SYN3: variants seen among roughly 807,000 people sequenced by gnomAD.
SYN3 encodes synapsin-3.
A neutral mutation model predicts 65.8 loss-of-function variants in SYN3; 35 were observed. The observed-to-expected ratio is 0.53, with a 90% confidence interval of 0.41 to 0.70. The LOEUF is 0.70. Ranked by LOEUF, SYN3 falls within the 30% of genes least tolerant of loss-of-function variation. The pLI, the probability that SYN3 is intolerant of heterozygous loss-of-function variation, is 0.00. For missense variants in SYN3, 680 were observed against 749.0 expected, an observed-to-expected ratio of 0.91 and a Z score of 1.08; for synonymous variants, 270 against 292.9, an observed-to-expected ratio of 0.92 and a Z score of 0.80.
chr22:32,691,180 G>A (rs1041275621), intron 6 of SYN3, among the ~76,000 whole-genome samples: 5 of 152,148 alleles, frequency 3.3e-5, no homozygotes, highest in Middle Eastern at 3.4e-3. Context: ...CTTGCTGGGC[G>A]CCCCGGTTCC....
At chr22:32,526,213 T>C (rs114866303) in intron 12 of SYN3, among the ~76,000 whole-genome samples, 2,269 of 152,332 alleles carry the variant, frequency 0.015, 57 homozygotes, top group African/African-American at 0.052. Flanking sequence ...TGATATTTAC[T>C]ATATACTGGG....
chr22:33,044,742 C>T (rs900917225), intron 1 of SYN3, among the ~76,000 whole-genome samples: 4 of 151,956 alleles, frequency 2.6e-5, no homozygotes, highest in Admixed American at 2.0e-4. Flanking sequence ...CAACCAATCA[C>T]CTACACAGAA....
chr22:32,657,147 G>A (rs938266879), intron 6 of SYN3, among the ~76,000 whole-genome samples: 2 of 151,214 alleles, frequency 1.3e-5, no homozygotes, highest in Non-Finnish European at 2.9e-5. Context: ...TTTTTGAGAC[G>A]GAGTCTTGCT....
intron 6 of SYN3, among the ~76,000 whole-genome samples, chr22:32,804,939 C>T (rs974524132): frequency 4.6e-5 from 7 of 152,108 alleles, no homozygotes; most frequent in African/African-American, 1.7e-4. Context: ...AAGGCGGCCT[C>T]GGCCCGGGCA....
At chr22:32,673,757 TG>T (rs1336327063) in intron 6 of SYN3, among the ~76,000 whole-genome samples, 2 of 152,204 alleles carry the variant, frequency 1.3e-5, no homozygotes, top group African/African-American at 4.8e-5. Flanking sequence ...GAGAGAAAGA[TG>T]GTGAGTTCCA....
rs996041097 is a variant in SYN3 at position 32,573,589 on chromosome 22, C to T, written c.774+23085G>A. On this transcript the variant is annotated intron_variant, in intron 7 of 13. Coordinates refer to ENST00000358763, the MANE Select transcript of SYN3 (RefSeq NM_003490.4). Reference sequence around the variant, plus strand: ...TAAAATTACAGCTAATCTAATGCTACTTTTATCCATGATTTCAAGTTTCCT... The same window carrying T: ...TAAAATTACAGCTAATCTAATGCTATTTTTATCCATGATTTCAAGTTTCCT... Among the ~76,000 whole-genome samples the T allele has an allele frequency of 2.6e-4, 40 of 152,002 alleles. 3 individuals carry two copies. Among genetic ancestry groups the T allele is most frequent in the Admixed American group, 2.4e-3 (36 of 15,256 alleles).
chr22:32,549,517 T>C (rs1294600746), intron 7 of SYN3, among the ~76,000 whole-genome samples: 1 of 152,216 alleles, frequency 6.6e-6, no homozygotes, highest in African/African-American at 2.4e-5. Context: ...CTTCCCAAAG[T>C]GCTGGGATTA....
intron 1 of SYN3, among the ~76,000 whole-genome samples, chr22:33,035,729 C>T (rs966778251): frequency 7.2e-5 from 11 of 152,136 alleles, no homozygotes; most frequent in Non-Finnish European, 2.9e-5. Flanking sequence ...TAGGCACGTA[C>T]CACAAGGCCC....
At chr22:32,958,686 C>A (rs1417831937) in intron 3 of SYN3, among the ~76,000 whole-genome samples, 2 of 152,174 alleles carry the variant, frequency 1.3e-5, no homozygotes, top group South Asian at 4.1e-4. Context: ...CCTGGTGAGA[C>A]AGGCCTTATT....
intron 1 of SYN3, among the ~76,000 whole-genome samples, chr22:33,041,223 C>T (rs2053959029): frequency 6.6e-6 from 1 of 151,268 alleles, no homozygotes; most frequent in South Asian, 2.1e-4. Context: ...AGCCTGGGTA[C>T]TCCTTTATTA....
intron 6 of SYN3, among the ~76,000 whole-genome samples, chr22:32,692,312 A>T (rs1466192988): frequency 6.6e-6 from 1 of 152,090 alleles, no homozygotes; most frequent in Admixed American, 6.5e-5. Flanking sequence ...AGGATCTGAG[A>T]CTCAGAGCAG....
intron 6 of SYN3, among the ~76,000 whole-genome samples, chr22:32,647,273 G>A (rs1002306673): frequency 5.3e-5 from 8 of 152,000 alleles, no homozygotes; most frequent in African/African-American, 1.2e-4. Context: ...TTCTTTTCTC[G>A]GAGCCTACTG....
chr22:32,737,763 C>T (rs2061353145), intron 6 of SYN3, among the ~76,000 whole-genome samples: 2 of 152,172 alleles, frequency 1.3e-5, no homozygotes, highest in Admixed American at 1.3e-4. Context: ...TCTCCACTTC[C>T]CATCCTCCCT....
chr22:32,535,298 T>C (rs1380893442), intron 9 of SYN3, among the ~76,000 whole-genome samples: 1 of 152,196 alleles, frequency 6.6e-6, no homozygotes, highest in East Asian at 1.9e-4. Context: ...GAAAAGCCTC[T>C]CCCTCTTATC....
chr22:32,835,953 A>T (rs533661437), intron 6 of SYN3, among the ~76,000 whole-genome samples: 1 of 152,280 alleles, frequency 6.6e-6, no homozygotes, highest in Admixed American at 6.5e-5. Flanking sequence ...CTTCTCTCAT[A>T]ATTCAGTCTT....
At chr22:32,569,450 CTCTA>C (rs200733552) in intron 7 of SYN3, among the ~76,000 whole-genome samples, 293 of 133,738 alleles carry the variant, frequency 2.2e-3, no homozygotes, top group Middle Eastern at 0.012. Flanking sequence ...TATCTATCTT[CTCTA>C]TCTATCTAAA....
chr22:32,948,990 T>A (rs241757), intron 3 of SYN3, among the ~76,000 whole-genome samples: 47,837 of 151,904 alleles, frequency 0.31, 8,245 homozygotes, highest in East Asian at 0.74. Flanking sequence ...GTTTTGCATT[T>A]TGGATTTGTT....
chr22:32,776,846 C>T (rs1195585447), intron 6 of SYN3, among the ~76,000 whole-genome samples: 2 of 152,164 alleles, frequency 1.3e-5, no homozygotes, highest in South Asian at 2.1e-4. Flanking sequence ...GGCAAGGCTA[C>T]CCTGGTCATC....
chr22:32,529,771 C>T (rs1285543847), intron 10 of SYN3, among the ~76,000 whole-genome samples: 3 of 152,154 alleles, frequency 2.0e-5, no homozygotes, highest in South Asian at 2.1e-4. Context: ...AACAGCTGGC[C>T]GCGTCACCCT....
Sources: allele counts gnomAD v4.1 joint callset (sites outside exome capture counted in the v4.1 genomes callset), GRCh38; gene constraint gnomAD v4.1.1; transcripts MANE v1.5; gene names NCBI Gene and HGNC (gene_info 2026-07-23, HGNC 2026-07-21).